Variants in ACKR2 observed in about 807,000 individuals in gnomAD.
ACKR2 encodes the protein atypical chemokine receptor 2, also known as C-C chemokine receptor D6.
For synonymous variants in ACKR2, 207 were observed against 192.2 expected (o/e 1.08, Z -0.64); for missense variants, 457 against 477.3 (o/e 0.96, Z 0.40).
chr3:42,820,858 A>G (rs979373840), intron 2 of ACKR2, among the ~76,000 whole-genome samples: 6 of 150,220 alleles, frequency 4.0e-5, no homozygotes, highest in Admixed American at 1.3e-4. Flanking sequence ...TGGGTGGGTT[A>G]TTGCTTAAGG....
intron 1 of ACKR2, among the ~76,000 whole-genome samples, chr3:42,815,195 T>C (rs1700737321): frequency 6.6e-6 from 1 of 152,162 alleles, no homozygotes; most frequent in African/African-American, 2.4e-5. Context: ...TGAAATAGAA[T>C]GGATTAGAAA....
chr3:42,843,972 A>C (rs981296269), intron 2 of ACKR2: 11 of 152,214 alleles, frequency 7.2e-5, no homozygotes, highest in African/African-American at 2.4e-4. Flanking sequence ...TCATTCCTGG[A>C]GCCGCCTCCC....
chr3:42,833,934 A>G (rs552275096), intron 2 of ACKR2, among the ~76,000 whole-genome samples: 27 of 152,114 alleles, frequency 1.8e-4, no homozygotes, highest in Non-Finnish European at 3.8e-4. Flanking sequence ...TTGGTAATTC[A>G]TGCAATATTT....
chr3:42,843,427 G>A (rs1232898396), intron 2 of ACKR2, among the ~76,000 whole-genome samples: 4 of 152,230 alleles, frequency 2.6e-5, no homozygotes, highest in South Asian at 4.2e-4. Flanking sequence ...CCTTTTCATT[G>A]GTAGTTGGGT....
intron 2 of ACKR2, among the ~76,000 whole-genome samples, chr3:42,862,431 C>A (rs1248742933): frequency 6.6e-6 from 1 of 152,166 alleles, no homozygotes; most frequent in Admixed American, 6.5e-5. Flanking sequence ...AATGGCCATA[C>A]TGCCCAAAGT....
intron 2 of ACKR2, among the ~76,000 whole-genome samples, chr3:42,861,133 A>G (rs891632341): frequency 6.2e-4 from 95 of 152,262 alleles, no homozygotes; most frequent in Non-Finnish European, 1.8e-4. Context: ...GATAAACAAG[A>G]AAGGAGACAC....
intron 2 of ACKR2, among the ~76,000 whole-genome samples, chr3:42,843,741 C>T (rs1701064175): frequency 6.6e-6 from 1 of 152,188 alleles, no homozygotes; most frequent in African/African-American, 2.4e-5. Context: ...CCAGAACTCT[C>T]CATTTAGAGG....
chr3:42,819,848 C>G (rs889150781), intron 2 of ACKR2, 137 bp downstream of exon 2: 2 of 152,344 alleles, frequency 1.3e-5, no homozygotes, highest in Non-Finnish European at 2.9e-5. Flanking sequence ...TTTCAGAGCC[C>G]CCCTTTCTCC....
At chr3:42,823,609 T>C (rs1380636790) in intron 2 of ACKR2, among the ~76,000 whole-genome samples, 2 of 152,198 alleles carry the variant, frequency 1.3e-5, no homozygotes, top group African/African-American at 4.8e-5. Flanking sequence ...CTCTCTGCAC[T>C]GTGTGCTCTT....
intron 1 of ACKR2, among the ~76,000 whole-genome samples, chr3:42,812,704 T>TTTTTA (rs55901906): frequency 6.8e-6 from 1 of 146,670 alleles, no homozygotes; most frequent in Non-Finnish European, 1.5e-5. Context: ...TTTTTTTTTT[T>TTTTTA]GAGATGGAGT....
chr3:42,811,737 C>G (rs887622669), intron 1 of ACKR2, among the ~76,000 whole-genome samples: 3 of 152,136 alleles, frequency 2.0e-5, no homozygotes, highest in African/African-American at 7.2e-5. Context: ...ATCGTAAATT[C>G]CTCCTATTCT....
chr3:42,861,472 T>G (rs555733167), intron 2 of ACKR2, among the ~76,000 whole-genome samples: 3 of 152,208 alleles, frequency 2.0e-5, no homozygotes, highest in African/African-American at 7.2e-5. Context: ...GAAACTATTC[T>G]AAACAATAGA....
intron 2 of ACKR2, among the ~76,000 whole-genome samples, chr3:42,826,708 A>G (rs1017151920): frequency 2.6e-4 from 40 of 152,028 alleles, no homozygotes; most frequent in African/African-American, 9.4e-4. Flanking sequence ...GATTTTCTCT[A>G]TTGTATTCAT....
intron 2 of ACKR2, among the ~76,000 whole-genome samples, chr3:42,849,628 A>G (rs1701132121): frequency 1.3e-5 from 2 of 152,244 alleles, no homozygotes; most frequent in African/African-American, 4.8e-5. Flanking sequence ...AGACTTATGG[A>G]CAGAAAAGGA....
intron 2 of ACKR2, among the ~76,000 whole-genome samples, chr3:42,861,447 G>A (rs1004433620): frequency 6.6e-6 from 1 of 152,224 alleles, no homozygotes; most frequent in African/African-American, 2.4e-5. Flanking sequence ...AAGAGGAGCT[G>A]GTACCATTCC....
chr3:42,814,672 A>G (rs1700731187), intron 1 of ACKR2, among the ~76,000 whole-genome samples: 1 of 152,218 alleles, frequency 6.6e-6, no homozygotes, highest in Non-Finnish European at 1.5e-5. Flanking sequence ...ACCATCAGCA[A>G]TTATTGAATA....
intron 2 of ACKR2, among the ~76,000 whole-genome samples, chr3:42,840,259 CAAAAAAAAAA>C (rs34830187): frequency 1.7e-4 from 6 of 34,652 alleles, no homozygotes; most frequent in Admixed American, 4.3e-4. Context: ...GACTCCGTCT[CAAAAAAAAAA>C]AAAAAAAAAA....
At chr3:42,821,258 TTGTGATCCACAGGC>T (rs1315959415) in intron 2 of ACKR2, among the ~76,000 whole-genome samples, 1 of 152,238 alleles carries the variant, frequency 6.6e-6, no homozygotes, top group East Asian at 1.9e-4. Context: ...TTCAGAATGC[TTGTGATCCACAGGC>T]TATAGTGAGT....
intron 2 of ACKR2, among the ~76,000 whole-genome samples, chr3:42,828,561 T>G (rs1700896602): frequency 6.6e-6 from 1 of 152,244 alleles, no homozygotes; most frequent in South Asian, 2.1e-4. Flanking sequence ...GAATGTTTTC[T>G]GAGACTTATT....
Sources: gnomAD v4.1 joint callset for allele counts (sites outside exome capture counted in the v4.1 genomes callset) on GRCh38, gnomAD v4.1.1 for gene constraint, MANE v1.5 for transcripts, NCBI Gene and HGNC (gene_info 2026-07-23, HGNC 2026-07-21) for gene names.